CERKL: variants seen among roughly 807,000 people sequenced by gnomAD.
CERKL encodes ceramide kinase-like protein.
In CERKL, 61 loss-of-function variants were observed where a neutral mutation model predicts 63.4. The ratio of observed to expected loss-of-function variants is 0.96; its 90% CI spans 0.78 to 1.19. The LOEUF (loss-of-function observed/expected upper bound fraction) is 1.19. Among genes scored for constraint, CERKL ranks in the 50% most tolerant of loss-of-function variants. CERKL has a pLI of 0.00. For missense variants in CERKL, 675 were observed against 655.5 expected, an observed-to-expected ratio of 1.03 and a Z score of -0.33; for synonymous variants, 250 against 230.5, an observed-to-expected ratio of 1.08 and a Z score of -0.77.
rs768373878 is a variant in CERKL at position 181,539,230 on chromosome 2, T to C, written c.1400A>G (p.Glu467Gly). ...NFPFVETYTV[E>G]EVKVHPRNNT... Reference sequence around the variant, plus strand: ...ATTCCTTGGATGAACTTTTACTTCCTCAACAGTGTAAGTCTCAACAAATGG... The same window carrying C: ...ATTCCTTGGATGAACTTTTACTTCCCCAACAGTGTAAGTCTCAACAAATGG... Residue 467 changes from glutamate (E) to glycine (G), a missense_variant, in exon 12 of 13, where the codon GAG becomes GGG. Glu to Gly is a moderately conservative substitution (Grantham distance 98, BLOSUM62 -2). Coordinates refer to ENST00000410087, the MANE Select transcript of CERKL (RefSeq NM_201548.5). 2 of 1,599,218 alleles carry C rather than the reference T, an allele frequency of 1.3e-6. No homozygotes were observed.
intron 2 of CERKL, among the ~76,000 whole-genome samples, chr2:181,583,606 T>G (rs1302957788): frequency 6.6e-6 from 1 of 152,218 alleles, no homozygotes; most frequent in Non-Finnish European, 1.5e-5. Flanking sequence ...GTCTTCAGAA[T>G]GAAAGTCCAG....
intron 1 of CERKL, among the ~76,000 whole-genome samples, chr2:181,619,384 T>A (rs1305653075): frequency 2.0e-5 from 3 of 152,030 alleles, no homozygotes; most frequent in African/African-American, 7.2e-5. Context: ...ATACAGTTCA[T>A]ATATATCATA....
At chr2:181,598,779 A>T (rs1036726684) in intron 2 of CERKL, among the ~76,000 whole-genome samples, 12 of 152,126 alleles carry the variant, frequency 7.9e-5, no homozygotes, top group African/African-American at 2.9e-4. Flanking sequence ...ACCACGCCCA[A>T]GGAATCCATA....
chr2:181,542,312 T>G (rs1687543269), intron 11 of CERKL, among the ~76,000 whole-genome samples: 1 of 152,202 alleles, frequency 6.6e-6, no homozygotes. Flanking sequence ...ACAGTAACAT[T>G]CGCTTATTCA....
intron 3 of CERKL, among the ~76,000 whole-genome samples, chr2:181,572,364 C>A (rs1688940989): frequency 6.6e-6 from 1 of 152,138 alleles, no homozygotes; most frequent in Non-Finnish European, 1.5e-5. Context: ...TCGCATCCTG[C>A]ACTATGTTGA....
chr2:181,583,312 A>C (rs1295189230), intron 2 of CERKL, among the ~76,000 whole-genome samples: 1 of 152,120 alleles, frequency 6.6e-6, no homozygotes. Flanking sequence ...CCCCCAACTC[A>C]ACAAATTATC....
rs1176269821 is a variant in CERKL, at chr2:181,537,171, A to AACATCTAGGATCATAGAT, written c.*995_*1012dup. The AACATCTAGGATCATAGAT allele has an allele frequency of 4.4e-6, 2 of 453,872 alleles. No individual in the cohort carries two copies. Among genetic ancestry groups the AACATCTAGGATCATAGAT allele is most frequent in the African/African-American group, 2.0e-5 (1 of 50,008 alleles). The allele number at this position is 453,872 out of a possible 1,614,324, so 28.1% of individuals were successfully genotyped here. On this transcript the variant is annotated 3_prime_UTR_variant, in exon 13 of 13. Transcript: ENST00000410087. ...AAAAGGCTAGTCATTCTTTCAGGAGAACATCTAGGATCATAGATGAAAAAT... is the reference window on the plus strand; with the variant it reads ...AAAAGGCTAGTCATTCTTTCAGGAGAACATCTAGGATCATAGATACATCTAGGATCATAGATGAAAAAT...
At chr2:181,656,659 G>T in intron 1 of CERKL, 110 bp downstream of exon 1, 1 of 933,802 alleles carries the variant, frequency 1.1e-6, no homozygotes, top group Non-Finnish European at 1.5e-6. Context: ...CACGGGGAGG[G>T]GAGGCGAGAA....
intron 1 of CERKL, among the ~76,000 whole-genome samples, chr2:181,607,244 A>T (rs780531043): frequency 7.2e-5 from 11 of 152,210 alleles, no homozygotes; most frequent in Admixed American, 1.3e-4. Context: ...ACCAACCCTG[A>T]GAGTCCCTGG....
At chr2:181,598,590 C>A (rs567948520) in intron 2 of CERKL, among the ~76,000 whole-genome samples, 4 of 152,042 alleles carry the variant, frequency 2.6e-5, no homozygotes, top group African/African-American at 9.7e-5. Flanking sequence ...TTTTTAAGTG[C>A]CATCTACTGG....
chr2:181,619,684 T>C (rs1286094099), intron 1 of CERKL, among the ~76,000 whole-genome samples: 2 of 152,160 alleles, frequency 1.3e-5, no homozygotes, highest in African/African-American at 2.4e-5. Context: ...TTCTTGACTC[T>C]AGTCTTTTCA....
chr2:181,593,105 T>C (rs763408088), intron 2 of CERKL, among the ~76,000 whole-genome samples: 8 of 152,132 alleles, frequency 5.3e-5, no homozygotes, highest in African/African-American at 9.7e-5. Context: ...CCTAGCTAGA[T>C]TGGCATTATC....
intron 2 of CERKL, 73 bp from the exon 3 acceptor site, chr2:181,573,957 C>T: frequency 1.4e-6 from 2 of 1,407,604 alleles, no homozygotes; most frequent in Admixed American, 3.6e-5. Context: ...TAAAATGACA[C>T]ACAAGTCTGT....
chr2:181,645,169 AT>A (rs1316279821), intron 1 of CERKL, among the ~76,000 whole-genome samples: 1 of 152,066 alleles, frequency 6.6e-6, no homozygotes, highest in African/African-American at 2.4e-5. Context: ...TCATTTAAGA[AT>A]TTTTTTTAAA....
In CERKL at chr2:181,656,915, G is replaced by A; in HGVS notation, c.92C>T (p.Ala31Val). The A allele has an allele frequency of 6.2e-7, 1 of 1,600,822 alleles. No individual in the cohort carries two copies. The highest frequency in any genetic ancestry group is 1.3e-5 in the African/African-American group (1 of 74,396). ...APPEAAAVPP[A>V]LLTSPQQTEA... ...CGTCTGCTGCGGGGACGTTAACAGC[G>A]CCGGAGGCACAGCGGCAGCCTCCGG... Residue 31 changes from alanine (A) to valine (V), a missense_variant, in exon 1 of 13, where the codon GCG becomes GTG. Transcript: ENST00000410087.
At chr2:181,647,450 A>T (rs3856408) in intron 1 of CERKL, among the ~76,000 whole-genome samples, 22,509 of 152,114 alleles carry the variant, frequency 0.15, 4,104 homozygotes, top group African/African-American at 0.43. Context: ...GTCCCTAGCA[A>T]AACTATACCA....
chr2:181,580,724 A>G (rs944930586), intron 2 of CERKL, among the ~76,000 whole-genome samples: 1 of 152,110 alleles, frequency 6.6e-6, no homozygotes, highest in African/African-American at 2.4e-5. Context: ...TCCTTTTTGA[A>G]CTTGCATTGT....
intron 2 of CERKL, among the ~76,000 whole-genome samples, chr2:181,574,355 T>C (rs764093787): frequency 3.9e-5 from 6 of 152,092 alleles, no homozygotes; most frequent in Non-Finnish European, 8.8e-5. Context: ...TACTGATGAG[T>C]CCAGTGCAGA....
chr2:181,566,951 T>G (rs1034748674), intron 3 of CERKL, among the ~76,000 whole-genome samples: 2 of 152,172 alleles, frequency 1.3e-5, no homozygotes, highest in Non-Finnish European at 2.9e-5. Flanking sequence ...TAAGAATGTG[T>G]GTCATTATAT....
Sources: gnomAD v4.1 joint callset for allele counts (sites outside exome capture counted in the v4.1 genomes callset) on GRCh38, gnomAD v4.1.1 for gene constraint, MANE v1.5 for transcripts, NCBI Gene and HGNC (gene_info 2026-07-23, HGNC 2026-07-21) for gene names.